The following SULT2B1 variants were observed in gnomAD, a reference collection of about 807,000 sequenced individuals.
SULT2B1 encodes sulfotransferase 2B1.
In SULT2B1, 16 loss-of-function variants were observed where a neutral mutation model predicts 33.2. That is an observed-to-expected ratio of 0.48 (90% confidence interval 0.33 to 0.73). The LOEUF is 0.73. SULT2B1 is among the 30% of genes least tolerant of loss of function. The probability of loss-of-function intolerance (pLI) is 0.02; values close to 1 mark genes in which losing one functional copy is unlikely to be tolerated. For missense variants in SULT2B1, 500 were observed against 506.0 expected (o/e 0.99, Z 0.11); for synonymous variants, 186 against 200.5 (o/e 0.93, Z 0.61).
chr19:48,594,887 T>G (rs1217118000), intron 5 of SULT2B1, among the ~76,000 whole-genome samples: 1 of 98,502 alleles, frequency 1.0e-5, no homozygotes, highest in Non-Finnish European at 2.2e-5. Flanking sequence ...GGCATGGTGG[T>G]GCATGCCTAT....
rs142655043 is a variant in SULT2B1, at chr19:48,555,549, C to CCTCTCTCTCTCTCTCT, written c.71+3251_71+3266dup. ...CCTTGCATAGGGATCCCAGAGACATCCTCTCTCTCTCTCTCTCTCTCTCTC... is the reference window on the plus strand; with the variant it reads ...CCTTGCATAGGGATCCCAGAGACATCCTCTCTCTCTCTCTCTCTCTCTCTCTCTCTCTCTCTCTCTC... On this transcript the variant is annotated intron_variant, in intron 1 of 6. Coordinates refer to ENST00000201586, the MANE Select transcript of SULT2B1 (RefSeq NM_177973.2). Among the ~76,000 whole-genome samples, 576 of 124,152 alleles carry CCTCTCTCTCTCTCTCT rather than the reference C, an allele frequency of 4.6e-3. 6 individuals carry two copies. Among genetic ancestry groups the CCTCTCTCTCTCTCTCT allele is most frequent in the Middle Eastern group, 8.8e-3 (2 of 228 alleles). The allele number at this position is 124,152 out of a possible 152,430, so 81.4% of individuals were successfully genotyped here.
chr19:48,586,493 T>C (rs966831153), intron 2 of SULT2B1, among the ~76,000 whole-genome samples: 2 of 152,200 alleles, frequency 1.3e-5, no homozygotes, highest in Non-Finnish European at 2.9e-5. Context: ...CGTGCGTTTA[T>C]GGGCCAGGCC....
At chr19:48,585,795 GT>G (rs1973553725) in intron 2 of SULT2B1, among the ~76,000 whole-genome samples, 1 of 152,098 alleles carries the variant, frequency 6.6e-6, no homozygotes, top group Non-Finnish European at 1.5e-5. Flanking sequence ...TAACCTGCAC[GT>G]TGTGCACATG....
chr19:48,566,612 C>T (rs1027824261), intron 1 of SULT2B1, among the ~76,000 whole-genome samples: 3 of 151,994 alleles, frequency 2.0e-5, no homozygotes, highest in African/African-American at 7.2e-5. Flanking sequence ...GAGACTGAGG[C>T]GGGTGGATTG....
chr19:48,561,698 C>T (rs1601088008), intron 1 of SULT2B1, among the ~76,000 whole-genome samples: 1 of 152,160 alleles, frequency 6.6e-6, no homozygotes. Context: ...ATGGGCAGGG[C>T]CTGCGGTGAG....
intron 1 of SULT2B1, among the ~76,000 whole-genome samples, chr19:48,565,223 G>T (rs1488532748): frequency 1.3e-5 from 2 of 152,022 alleles, no homozygotes; most frequent in African/African-American, 4.8e-5. Context: ...ACGGTGCCCG[G>T]CCTAATCCTT....
intron 5 of SULT2B1, among the ~76,000 whole-genome samples, 180 bp downstream of exon 5, chr19:48,592,996 T>A (rs995472011): frequency 1.3e-5 from 2 of 151,396 alleles, no homozygotes; most frequent in African/African-American, 2.4e-5. Flanking sequence ...ACAGACAAAA[T>A]CCCTAAACCA....
chr19:48,557,930 T>G (rs1973122096), intron 1 of SULT2B1, among the ~76,000 whole-genome samples: 1 of 151,630 alleles, frequency 6.6e-6, no homozygotes, highest in Non-Finnish European at 1.5e-5. Flanking sequence ...AAAAAATAAT[T>G]AAAATTAAAA....
intron 2 of SULT2B1, among the ~76,000 whole-genome samples, chr19:48,581,471 A>ATTTTT (rs1568410105): frequency 3.7e-4 from 14 of 37,618 alleles, no homozygotes; most frequent in African/African-American, 1.1e-3. Context: ...GAGATTTGAG[A>ATTTTT]GTTTTTTTTT....
At chr19:48,576,357 C>CTTTTTTTTTTTTTTTTTT (rs59055065) in intron 2 of SULT2B1, among the ~76,000 whole-genome samples, 2 of 114,846 alleles carry the variant, frequency 1.7e-5, no homozygotes, top group Non-Finnish European at 3.4e-5. Context: ...CCCTCTACTT[C>CTTTTTTTTTTTTTTTTTT]TCTTTTTTTT....
chr19:48,576,112 C>G, intron 2 of SULT2B1, 29 bp downstream of exon 2: 5 of 1,472,816 alleles, frequency 3.4e-6, no homozygotes, highest in Non-Finnish European at 4.7e-6. Context: ...GCGTCGGGGG[C>G]TGGGGAGAGT....
intron 2 of SULT2B1, among the ~76,000 whole-genome samples, chr19:48,580,778 C>T (rs1005354646): frequency 6.6e-6 from 1 of 151,756 alleles, no homozygotes; most frequent in African/African-American, 2.4e-5. Context: ...ATAGCCACCA[C>T]ACCCAGCTAA....
chr19:48,566,416 G>A (rs1317087814), intron 1 of SULT2B1, among the ~76,000 whole-genome samples: 2 of 152,110 alleles, frequency 1.3e-5, no homozygotes, highest in South Asian at 2.1e-4. Context: ...ATATATGTAC[G>A]GCTGGGCACA....
intron 1 of SULT2B1, among the ~76,000 whole-genome samples, chr19:48,558,645 T>A (rs529084438): frequency 6.6e-6 from 1 of 151,790 alleles, no homozygotes; most frequent in African/African-American, 2.4e-5. Flanking sequence ...GCCCTGCCAG[T>A]CATGAGGCTG....
At chr19:48,571,213 T>TTATTTATTTA in intron 1 of SULT2B1, among the ~76,000 whole-genome samples, 1 of 150,126 alleles carries the variant, frequency 6.7e-6, no homozygotes, top group African/African-American at 2.5e-5. Context: ...ATTTATTTAT[T>TTATTTATTTA]TTGAGATGGA....
chr19:48,576,303 T>G (rs1237861710), intron 2 of SULT2B1, among the ~76,000 whole-genome samples: 1 of 150,632 alleles, frequency 6.6e-6, no homozygotes, highest in African/African-American at 2.4e-5. Context: ...CTGACCTCCC[T>G]GGCTGAAATA....
chr19:48,592,890 G>GGGA, intron 5 of SULT2B1, 74 bp downstream of exon 5: 1 of 1,357,088 alleles, frequency 7.4e-7, no homozygotes, highest in Non-Finnish European at 1.0e-6. Flanking sequence ...TCCCCTTCCC[G>GGGA]AGGGTCTCAG....
chr19:48,594,474 G>C (rs1022232611), intron 5 of SULT2B1, among the ~76,000 whole-genome samples: 33 of 152,212 alleles, frequency 2.2e-4, no homozygotes, highest in Non-Finnish European at 3.1e-4. Context: ...AAGAGGTGTC[G>C]GTGCTACTCC....
intron 1 of SULT2B1, among the ~76,000 whole-genome samples, chr19:48,565,919 T>C (rs1973237993): frequency 6.7e-6 from 1 of 148,312 alleles, no homozygotes; most frequent in Admixed American, 6.8e-5. Flanking sequence ...ACCAGGCTAT[T>C]TTTTTTTTTT....
Sources: gnomAD v4.1 joint callset for allele counts (sites outside exome capture counted in the v4.1 genomes callset) on GRCh38, gnomAD v4.1.1 for gene constraint, MANE v1.5 for transcripts, NCBI Gene and HGNC (gene_info 2026-07-23, HGNC 2026-07-21) for gene names.